The following MECR variants were observed in gnomAD, a reference collection of about 807,000 sequenced individuals.
MECR encodes the protein enoyl-[acyl-carrier-protein] reductase, mitochondrial.
In MECR, 37 loss-of-function variants were observed where a neutral mutation model predicts 49.1. That is an observed-to-expected ratio of 0.75 (90% CI 0.58 to 0.99). The LOEUF is 0.99. Among genes scored for constraint, MECR ranks in the 50% least tolerant of loss-of-function variants. MECR has a pLI of 0.00. For synonymous variants in MECR, 198 were observed against 191.1 expected (o/e 1.04, Z -0.30); for missense variants, 470 against 479.6 (o/e 0.98, Z 0.19).
At chr1:29,195,827 T>G in intron 9 of MECR, 114 bp downstream of exon 9, 1 of 1,022,734 alleles carries the variant, frequency 9.8e-7, no homozygotes, top group East Asian at 2.4e-5. Flanking sequence ...TTGATCCTTC[T>G]GTGGGGCTGG....
At chr1:29,172,167 T>C in the MECR span, 1 of 152,224 alleles carries the variant, frequency 6.6e-6, no homozygotes, top group South Asian at 2.1e-4. Context: ...TTTGATCACA[T>C]TTGTAATAGT....
At chr1:29,190,658 G>T (rs1035681920), downstream of MECR, among the ~76,000 whole-genome samples, 3 of 151,482 alleles carry the variant, frequency 2.0e-5, no homozygotes, top group Non-Finnish European at 4.4e-5. Context: ...AGCTGGGCGT[G>T]GTGGCAGGTA....
the MECR span, among the ~76,000 whole-genome samples, chr1:29,176,346 T>C: frequency 6.6e-5 from 10 of 152,178 alleles, no homozygotes; most frequent in African/African-American, 2.2e-4. Flanking sequence ...ACTCATTAGT[T>C]ATAGCATTAT....
At chr1:29,229,330 G>A (rs1682889051) in intron 1 of MECR, among the ~76,000 whole-genome samples, 1 of 151,976 alleles carries the variant, frequency 6.6e-6, no homozygotes, top group African/African-American at 2.4e-5. Flanking sequence ...AGCCTCCTGA[G>A]TAGCAGGGAT....
the MECR span, among the ~76,000 whole-genome samples, chr1:29,183,789 T>C: frequency 6.6e-6 from 1 of 152,156 alleles, no homozygotes; most frequent in African/African-American, 2.4e-5. Flanking sequence ...TTTTTAGCCA[T>C]GCAAAAACAT....
intron 2 of MECR, among the ~76,000 whole-genome samples, 197 bp from the exon 3 acceptor site, chr1:29,216,333 T>C (rs1679398599): frequency 6.6e-6 from 1 of 152,166 alleles, no homozygotes; most frequent in Non-Finnish European, 1.5e-5. Flanking sequence ...GAAAATCAGG[T>C]AACATATGAA....
At chr1:29,216,444 G>T in intron 2 of MECR, 144 bp downstream of exon 2, 1 of 898,718 alleles carries the variant, frequency 1.1e-6, no homozygotes, top group Non-Finnish European at 1.8e-6. Flanking sequence ...GCCAGACAGG[G>T]CTGACACAGC....
At position 29,194,122 on chromosome 1, in the gene MECR, G is replaced by A. The variant is rs376502800; in HGVS notation, c.1022C>T (p.Thr341Ile). The change falls in exon 10 of 10, where the codon ACA becomes ATA. Residue 341 changes from threonine to isoleucine, a missense_variant. Transcript: ENST00000263702. ...CGGGACCTGGGAGCAGGCAGGGGCT[G>A]TGAGCTGGCCTCGGCGGATGAGATC... ...LCDLIRRGQLTAPACSQVPLQ... is the reference protein window; with the variant it reads ...LCDLIRRGQLIAPACSQVPLQ... The A allele has an allele frequency of 1.2e-5, 19 of 1,614,020 alleles. No individual in the cohort carries two copies. Among genetic ancestry groups the A allele is most frequent in the Non-Finnish European group, 1.6e-5 (19 of 1,180,008 alleles).
rs78852165 is a variant in MECR, at chr1:29,225,162, T to C, written c.176+5569A>G. On this transcript the variant is annotated intron_variant, in intron 1 of 9. Transcript: ENST00000263702. ...TATAGGATGTGGAATCCGCTTAAGC[T>C]TGAGCCCTGTGATCTAAGGGTAGTC... Among the ~76,000 whole-genome samples the C allele has an allele frequency of 6.9e-3, 1,058 of 152,318 alleles. 7 individuals carry two copies. The highest frequency in any genetic ancestry group is 0.024 in the Middle Eastern group (7 of 294).
Position 29,216,247 on chromosome 1 carries a change from T to C in MECR, c.275-111A>G, listed in dbSNP as rs116823564. On this transcript the variant is annotated intron_variant, in intron 2 of 9. Transcript: ENST00000263702. ...GATCTGGGCTCTGCTTTGGACTGTC[T>C]GCCTAACCAACCTCTGAGCCTTAGC... 5 of 1,291,520 alleles carry C rather than the reference T, an allele frequency of 3.9e-6. No individual in the cohort carries two copies. In the African/African-American group the frequency reaches 5.9e-5, roughly 15 times the overall value. The allele number at this position is 1,291,520 out of a possible 1,614,324, so 80.0% of individuals were successfully genotyped here.
chr1:29,185,714 C>T, the MECR span, among the ~76,000 whole-genome samples: 1 of 152,196 alleles, frequency 6.6e-6, no homozygotes, highest in Non-Finnish European at 1.5e-5. Context: ...CTTGCCCGGC[C>T]ATAATCTTTA....
chr1:29,227,611 C>T (rs559312237), intron 1 of MECR, among the ~76,000 whole-genome samples: 5 of 152,144 alleles, frequency 3.3e-5, no homozygotes, highest in Admixed American at 2.6e-4. Flanking sequence ...CATTCCTTCC[C>T]TCCTGCTTGC....
At chr1:29,217,127 C>CA (rs1195549293) in intron 1 of MECR, among the ~76,000 whole-genome samples, 1,778 of 47,320 alleles carry the variant, frequency 0.038, 154 homozygotes, top group Non-Finnish European at 0.05. Flanking sequence ...GACTTTGTCT[C>CA]AAAAAAAAAA....
the MECR span, among the ~76,000 whole-genome samples, chr1:29,182,471 TG>T: frequency 2.0e-5 from 3 of 152,024 alleles, no homozygotes; most frequent in African/African-American, 7.3e-5. Context: ...AGAAGCAGTG[TG>T]AGAAGCGGAG....
rs139161318 is a variant in MECR at position 29,227,122 on chromosome 1, C to A, written c.176+3609G>T. ...AGGATTACAGGCATGCACCACTGTG[C>A]CCGACTAATTTTTGTATTTTTAGTA... On this transcript the variant is annotated intron_variant, in intron 1 of 9. Coordinates refer to ENST00000263702, the MANE Select transcript of MECR (RefSeq NM_016011.5). 1.6e-3 allele frequency among the ~76,000 whole-genome samples: 242 copies of A among 152,132 alleles called. 2 individuals carry two copies. The highest frequency in any genetic ancestry group is 5.4e-3 in the African/African-American group (224 of 41,504).
At chr1:29,219,081 C>T (rs1227977860) in intron 1 of MECR, among the ~76,000 whole-genome samples, 3 of 152,110 alleles carry the variant, frequency 2.0e-5, no homozygotes, top group Non-Finnish European at 2.9e-5. Flanking sequence ...GAAATGAGCA[C>T]AGGCTGGACC....
chr1:29,179,100 C>T, the MECR span, among the ~76,000 whole-genome samples: 1 of 152,124 alleles, frequency 6.6e-6, no homozygotes, highest in Non-Finnish European at 1.5e-5. Context: ...CTTATCGCTC[C>T]ATCTTCCTTT....
chr1:29,216,005 C>T lies in MECR; in HGVS notation c.406G>A (p.Gly136Arg). Residue 136 changes from glycine to arginine, a missense_variant and splice_region_variant, in exon 3 of 10, where the codon GGA (glycine) becomes AGA (arginine). Coordinates refer to ENST00000263702, the MANE Select transcript of MECR (RefSeq NM_016011.5). ...GCAGCTGACACCTGGAGAAACTCAC[C>T]TAAACCAGCATTTGCTGGAATCACC... ...DWVIPANAGL[G>R]TWRTEAVFSE... is the part of the protein sequence containing the mutation. 1 of 1,613,976 alleles carries T rather than the reference C, an allele frequency of 6.2e-7. No homozygotes were observed. Among genetic ancestry groups the T allele is most frequent in the Non-Finnish European group, 8.5e-7 (1 of 1,179,898 alleles).
Position 29,196,196 on chromosome 1 carries a change from A to G in MECR, c.891+2T>C, listed in dbSNP as rs1334564026. On this transcript the variant is annotated splice_donor_variant, in intron 8 of 9. Coordinates refer to ENST00000263702, the MANE Select transcript of MECR (RefSeq NM_016011.5). LOFTEE classifies it high-confidence loss of function. ...GCATGCCTCCCTCTGCACCCAGCTT[A>G]CCACAGAGGCTACGACGGGCTGCTT... is the stretch of plus-strand genomic sequence containing the variant. 1.2e-6 allele frequency: 2 copies of G among 1,614,002 alleles called. No individual in the cohort carries two copies.
Sources: gnomAD v4.1 joint callset for allele counts (sites outside exome capture counted in the v4.1 genomes callset) on GRCh38, gnomAD v4.1.1 for gene constraint, MANE v1.5 for transcripts, NCBI Gene and HGNC (gene_info 2026-07-23, HGNC 2026-07-21) for gene names.